The following MET variants were observed in gnomAD, a reference collection of about 807,000 sequenced individuals.
The protein encoded by MET is hepatocyte growth factor receptor.
In MET, 48 loss-of-function variants were observed where a neutral mutation model predicts 133.1. The ratio of observed to expected loss-of-function variants is 0.36; its 90% CI spans 0.29 to 0.46. The LOEUF is 0.46. MET is among the 20% of genes least tolerant of loss of function. The pLI is 1.00. For synonymous variants in MET, 628 were observed against 616.5 expected (o/e 1.02, Z -0.28); for missense variants, 1,442 against 1,695.9 (o/e 0.85, Z 2.63).
chr7:116,746,697 G>A lies in MET; in HGVS notation c.1701+5672G>A, dbSNP rs545556735. 6.0e-4 allele frequency among the ~76,000 whole-genome samples: 91 copies of A among 150,548 alleles called. 1 individual carries two copies. The highest frequency in any genetic ancestry group is 2.0e-3 in the African/African-American group (82 of 40,958). On this transcript the variant is annotated intron_variant, in intron 5 of 20. Transcript: ENST00000397752. ...TCGCAAGAACAAAAAACCAAACACCGCATGTTCTCACTCATAGGTGGGAAT... is the reference window on the plus strand; with the variant it reads ...TCGCAAGAACAAAAAACCAAACACCACATGTTCTCACTCATAGGTGGGAAT...
chr7:116,784,667 T>G (rs1474751718), intron 19 of MET, among the ~76,000 whole-genome samples: 1 of 152,062 alleles, frequency 6.6e-6, no homozygotes, highest in Non-Finnish European at 1.5e-5. Flanking sequence ...CGCCCCTCCC[T>G]CAGCATTGGG....
At chr7:116,680,431 GA>G (rs1164396339) in intron 1 of MET, among the ~76,000 whole-genome samples, 1 of 152,148 alleles carries the variant, frequency 6.6e-6, no homozygotes, top group Non-Finnish European at 1.5e-5. Flanking sequence ...ATTTAAGAAA[GA>G]TTTTTTATGA....
At chr7:116,713,572 A>C (rs1165146285) in intron 2 of MET, among the ~76,000 whole-genome samples, 3 of 151,194 alleles carry the variant, frequency 2.0e-5, no homozygotes, top group Non-Finnish European at 4.4e-5. Context: ...GAACTGAGTA[A>C]GGGCCTCTGG....
chr7:116,705,777 C>A (rs148685174), intron 2 of MET, among the ~76,000 whole-genome samples: 1 of 152,054 alleles, frequency 6.6e-6, no homozygotes, highest in African/African-American at 2.4e-5. Context: ...CTCTCATAGG[C>A]TCAGGGAGTC....
chr7:116,725,307 T>C (rs750973154), intron 2 of MET, among the ~76,000 whole-genome samples: 2 of 152,110 alleles, frequency 1.3e-5, no homozygotes, highest in African/African-American at 2.4e-5. Context: ...GCAAATGTTA[T>C]GTAACATTAT....
At chr7:116,714,928 C>G (rs1485732821) in intron 2 of MET, among the ~76,000 whole-genome samples, 5 of 152,062 alleles carry the variant, frequency 3.3e-5, no homozygotes. Flanking sequence ...CATGGATGAC[C>G]TTACTTATGA....
intron 3 of MET, among the ~76,000 whole-genome samples, chr7:116,734,904 C>T (rs866285134): frequency 1.3e-5 from 2 of 152,146 alleles, no homozygotes; most frequent in Admixed American, 6.5e-5. Context: ...CTGAGCGCCT[C>T]GTCTAATCTA....
chr7:116,793,423 C>A (rs1393197238), intron 19 of MET, among the ~76,000 whole-genome samples: 2 of 151,886 alleles, frequency 1.3e-5, no homozygotes, highest in Middle Eastern at 3.4e-3. Flanking sequence ...GATCTGCCCA[C>A]CCCCGCCTCC....
At chr7:116,755,618 T>A in intron 6 of MET, 103 bp downstream of exon 6, 1 of 1,436,972 alleles carries the variant, frequency 7.0e-7, no homozygotes, top group Non-Finnish European at 9.7e-7. Flanking sequence ...TCTCTTGAAT[T>A]AAAAAGGGTC....
At position 116,740,842 on chromosome 7, in the gene MET, C is replaced by T; in HGVS notation, c.1528-10C>T. ...CCTCTGGAAGCTCTTTCCACCCCTT[C>T]TCTTCACAGATCACGAAGATCCCAT... is the stretch of plus-strand genomic sequence containing the variant. On this transcript the variant is annotated splice_polypyrimidine_tract_variant and intron_variant, in intron 4 of 20. Transcript: ENST00000397752. 1 of 1,613,966 alleles carries T rather than the reference C, an allele frequency of 6.2e-7. No individual in the cohort carries two copies. The highest frequency in any genetic ancestry group is 8.5e-7 in the Non-Finnish European group (1 of 1,180,026).
rs2116837050 is a variant in MET, at chr7:116,740,980, G to A, written c.1656G>A (p.Leu552=). ...HDKCVRSEEC[L]SGTWTQQICL... ...AATGTGTGCGATCGGAGGAATGCCT[G>A]AGCGGGACATGGACTCAACAGATCT... Residue 552 remains leucine (L), a synonymous_variant, in exon 5 of 21, where the codon CTG becomes CTA. Coordinates refer to ENST00000397752, the MANE Select transcript of MET (RefSeq NM_000245.4). 1.9e-6 allele frequency: 3 copies of A among 1,613,972 alleles called. No homozygotes were observed. Among genetic ancestry groups the A allele is most frequent in the East Asian group, 4.5e-5 (2 of 44,874 alleles).
At chr7:116,782,230 C>T (rs942278716) in intron 18 of MET, 133 bp downstream of exon 18, 4 of 724,442 alleles carry the variant, frequency 5.5e-6, no homozygotes, top group Non-Finnish European at 9.8e-6. Context: ...AATCTTAAAT[C>T]GATGTGTAAG....
At chr7:116,730,446 T>C (rs1182296115) in intron 2 of MET, among the ~76,000 whole-genome samples, 3 of 152,114 alleles carry the variant, frequency 2.0e-5, no homozygotes, top group Non-Finnish European at 4.4e-5. Flanking sequence ...TATGGTCAGA[T>C]TTGTGTTTGA....
At chr7:116,707,169 CA>C in intron 2 of MET, among the ~76,000 whole-genome samples, 1 of 151,994 alleles carries the variant, frequency 6.6e-6, no homozygotes, top group Non-Finnish European at 1.5e-5. Flanking sequence ...AGTCTCCCCA[CA>C]AGAGGAAAGA....
At chr7:116,764,132 TCTA>T (rs1562926307) in intron 11 of MET, among the ~76,000 whole-genome samples, 97 of 152,306 alleles carry the variant, frequency 6.4e-4, no homozygotes, top group African/African-American at 2.2e-3. Flanking sequence ...GTCATCTCCA[TCTA>T]AGTAATAATA....
chr7:116,706,171 A>G (rs1310710739), intron 2 of MET, among the ~76,000 whole-genome samples: 1 of 152,144 alleles, frequency 6.6e-6, no homozygotes, highest in East Asian at 1.9e-4. Context: ...TCATGATATG[A>G]TTGATAATAT....
chr7:116,749,325 A>G (rs545285428), intron 5 of MET, among the ~76,000 whole-genome samples: 306 of 152,334 alleles, frequency 2.0e-3, no homozygotes, highest in South Asian at 0.016. Flanking sequence ...AATAAACATA[A>G]TCCATCACAT....
rs1163953942 is a variant in MET, at chr7:116,725,213, T to G, written c.1201-6455T>G. The stretch of plus-strand genomic sequence containing the variant: ...ATCTTAGTTTCTTCATCTGTAAAAT[T>G]ATAATGATCATAACAAACCCAAGTC... On this transcript the variant is annotated intron_variant, in intron 2 of 20. Transcript: ENST00000397752. Among the ~76,000 whole-genome samples, 4 of 152,160 alleles carry G rather than the reference T, an allele frequency of 2.6e-5. No individual in the cohort carries two copies. In the South Asian group the frequency reaches 8.3e-4, roughly 31 times the overall value.
At chr7:116,704,850 A>G (rs975617514) in intron 2 of MET, among the ~76,000 whole-genome samples, 11 of 152,170 alleles carry the variant, frequency 7.2e-5, no homozygotes, top group African/African-American at 2.7e-4. Flanking sequence ...GAATTTGCAG[A>G]TAATGCAGTT....
Sources: allele counts gnomAD v4.1 joint callset (sites outside exome capture counted in the v4.1 genomes callset), GRCh38; gene constraint gnomAD v4.1.1; transcripts MANE v1.5; gene names NCBI Gene and HGNC (gene_info 2026-07-23, HGNC 2026-07-21).